Variants in PIK3C2G observed in about 807,000 individuals in gnomAD.
PIK3C2G encodes phosphatidylinositol 3-kinase C2 domain-containing subunit gamma.
A neutral mutation model predicts 181.1 loss-of-function variants in PIK3C2G; 168 were observed. That is an observed-to-expected ratio of 0.93 (90% CI 0.82 to 1.05). The LOEUF is 1.05. Ranked by LOEUF, PIK3C2G falls within the 50% of genes least tolerant of loss-of-function variation. The pLI, the probability that PIK3C2G is intolerant of heterozygous loss-of-function variation, is 0.00. For synonymous variants in PIK3C2G, 573 were observed against 592.2 expected (o/e 0.97, Z 0.47); for missense variants, 1,869 against 1,732.8 (o/e 1.08, Z -1.40).
At chr12:18,342,568 T>C (rs1289648779) in intron 9 of PIK3C2G, among the ~76,000 whole-genome samples, 1 of 151,982 alleles carries the variant, frequency 6.6e-6, no homozygotes, top group South Asian at 2.1e-4. Context: ...ATGGATCTTA[T>C]TAAAAATTGT....
rs1454612653 is a variant in PIK3C2G, at chr12:18,282,457, TG to T, written c.380del (p.Gly127GlufsTer4). The T allele has an allele frequency of 6.3e-7, 1 of 1,592,642 alleles. No individual in the cohort carries two copies. Among genetic ancestry groups the T allele is most frequent in the Non-Finnish European group, 8.6e-7 (1 of 1,167,790 alleles). ...TCAAAATACGAATAAAGAATGCTCC[TG>T]GGGAAGCCCCATAGGAAAACATCAT... ...KPQNTNKECS[W>X]GSPIGKHHGA... On this transcript the variant is annotated frameshift_variant, in exon 2 of 33. Coordinates refer to ENST00000538779, the MANE Select transcript of PIK3C2G (RefSeq NM_001288772.2). LOFTEE classifies it high-confidence loss of function.
At chr12:18,453,044 C>T (rs1296749946) in intron 18 of PIK3C2G, among the ~76,000 whole-genome samples, 2 of 152,040 alleles carry the variant, frequency 1.3e-5, no homozygotes, top group African/African-American at 4.8e-5. Flanking sequence ...ACATTCTGTT[C>T]ATTTGAGTTG....
At chr12:18,559,817 TATATAGAGAGAGAG>T (rs1324793461) in intron 26 of PIK3C2G, among the ~76,000 whole-genome samples, 25 of 22,154 alleles carry the variant, frequency 1.1e-3, no homozygotes, top group Admixed American at 1.7e-3. Context: ...TATATATATA[TATATAGAGAGAGAG>T]AGAGAGAGAG....
Position 18,404,063 on chromosome 12 carries a change from G to A in PIK3C2G, c.2315+4216G>A, listed in dbSNP as rs116308920. ...CCATCCCACATGATGTAAAATTATT[G>A]TTTTGCAAGAAGAAAAGCAATATTT... On this transcript the variant is annotated intron_variant, in intron 16 of 32. Transcript: ENST00000538779. Among the ~76,000 whole-genome samples the A allele has an allele frequency of 7.1e-3, 1,067 of 150,254 alleles. 6 individuals carry two copies. Among genetic ancestry groups the A allele is most frequent in the African/African-American group, 0.019 (781 of 40,972 alleles).
chr12:18,394,347 A>G (rs1026891159), intron 15 of PIK3C2G, among the ~76,000 whole-genome samples: 1 of 152,124 alleles, frequency 6.6e-6, no homozygotes, highest in African/African-American at 2.4e-5. Flanking sequence ...GCTGACTCTC[A>G]ATAATGTACT....
chr12:18,401,657 C>A (rs1944257103), intron 16 of PIK3C2G, among the ~76,000 whole-genome samples: 1 of 152,024 alleles, frequency 6.6e-6, no homozygotes, highest in Non-Finnish European at 1.5e-5. Flanking sequence ...ACTCTTAAAA[C>A]TCAACAATAG....
At chr12:18,592,590 T>C (rs1947141884) in intron 29 of PIK3C2G, among the ~76,000 whole-genome samples, 2 of 151,906 alleles carry the variant, frequency 1.3e-5, no homozygotes, top group Admixed American at 1.3e-4. Flanking sequence ...GTGGAATCAG[T>C]GTGAGTGCAG....
intron 25 of PIK3C2G, among the ~76,000 whole-genome samples, chr12:18,543,711 C>T (rs1399444293): frequency 6.6e-6 from 1 of 151,816 alleles, no homozygotes; most frequent in Non-Finnish European, 1.5e-5. Flanking sequence ...ATTGTGCGGC[C>T]TTATTTCTGG....
chr12:18,568,804 T>C (rs1012884269), intron 29 of PIK3C2G, among the ~76,000 whole-genome samples: 1 of 152,156 alleles, frequency 6.6e-6, no homozygotes, highest in Non-Finnish European at 1.5e-5. Flanking sequence ...CTAAAAACAT[T>C]GTGAAGTACA....
At position 18,648,000 on chromosome 12, in the gene PIK3C2G, G is replaced by C. The variant is rs540870280; in HGVS notation, c.4433G>C (p.Trp1478Ser). Reference sequence around the variant, plus strand: ...AGTGTCCCACTCGATAAAGAAAAATGGTATCCATTAGGAAACAGTATAATT... The same window carrying C: ...AGTGTCCCACTCGATAAAGAAAAATCGTATCCATTAGGAAACAGTATAATT... Reference protein sequence around the residue: ...LCSVPLDKEKWYPLGNSII With the variant: ...LCSVPLDKEKSYPLGNSII Residue 1478 changes from tryptophan to serine, a missense_variant, in exon 33 of 33, where the codon TGG becomes TCG. Trp to Ser is a radical substitution (Grantham distance 177). Transcript: ENST00000538779. 1 of 1,597,602 alleles carries C rather than the reference G, an allele frequency of 6.3e-7. No individual in the cohort carries two copies. The highest frequency in any genetic ancestry group is 1.7e-5 in the Admixed American group (1 of 58,134).
At chr12:18,636,053 A>G (rs1473267046) in intron 31 of PIK3C2G, among the ~76,000 whole-genome samples, 2 of 152,196 alleles carry the variant, frequency 1.3e-5, no homozygotes, top group African/African-American at 2.4e-5. Flanking sequence ...AGTCTCACAA[A>G]TAAGTCTATA....
In PIK3C2G at chr12:18,338,463, T is replaced by C. The variant is rs1242525432; in HGVS notation, c.1310T>C (p.Ile437Thr). The C allele has an allele frequency of 6.3e-7, 1 of 1,576,110 alleles. No individual in the cohort carries two copies. Among genetic ancestry groups the C allele is most frequent in the Non-Finnish European group, 8.7e-7 (1 of 1,147,626 alleles). Reference sequence around the variant, plus strand: ...AATATTATTGAAGAAGTTAAAAAAATATGCAGTGTTCTAGGGTGTGTGGAA... The same window carrying C: ...AATATTATTGAAGAAGTTAAAAAAACATGCAGTGTTCTAGGGTGTGTGGAA... The part of the protein sequence containing the change: ...VYNIIEEVKK[I>T]CSVLGCVETK... The change falls in exon 9 of 33, where the codon ATA becomes ACA. Residue 437 changes from isoleucine to threonine, a missense_variant. Coordinates refer to ENST00000538779, the MANE Select transcript of PIK3C2G (RefSeq NM_001288772.2).
intron 4 of PIK3C2G, among the ~76,000 whole-genome samples, chr12:18,292,733 G>A (rs1949766708): frequency 6.6e-6 from 1 of 152,188 alleles, no homozygotes; most frequent in Non-Finnish European, 1.5e-5. Flanking sequence ...TGGAGAGAGA[G>A]AGTAGATATT....
chr12:18,295,584 C>T (rs1320507764), intron 5 of PIK3C2G, among the ~76,000 whole-genome samples: 2 of 149,012 alleles, frequency 1.3e-5, no homozygotes, highest in Non-Finnish European at 2.9e-5. Flanking sequence ...AAGTAGATGG[C>T]TCAATATTTA....
chr12:18,517,031 C>CTTT (rs3983627), intron 24 of PIK3C2G, among the ~76,000 whole-genome samples: 2,942 of 139,742 alleles, frequency 0.021, 41 homozygotes, highest in Non-Finnish European at 0.034. Context: ...TTTGCTTTTC[C>CTTT]TTTTTTTTTT....
At chr12:18,303,367 C>T (rs1423907912) in intron 5 of PIK3C2G, among the ~76,000 whole-genome samples, 2 of 151,020 alleles carry the variant, frequency 1.3e-5, no homozygotes, top group African/African-American at 4.9e-5. Context: ...CACAGTCTCA[C>T]TCTGTCACCC....
At chr12:18,299,044 T>C (rs1459382437) in intron 5 of PIK3C2G, among the ~76,000 whole-genome samples, 1 of 151,962 alleles carries the variant, frequency 6.6e-6, no homozygotes, top group Non-Finnish European at 1.5e-5. Context: ...TCTTTTTTAC[T>C]TCCATACAAA....
chr12:18,597,170 G>A (rs1947410623), intron 30 of PIK3C2G, among the ~76,000 whole-genome samples: 1 of 150,794 alleles, frequency 6.6e-6, no homozygotes, highest in African/African-American at 2.4e-5. Flanking sequence ...TCTGTGTTAG[G>A]GAAACACCAA....
intron 11 of PIK3C2G, among the ~76,000 whole-genome samples, chr12:18,347,358 T>A (rs546811985): frequency 6.6e-6 from 1 of 152,312 alleles, no homozygotes; most frequent in Admixed American, 6.5e-5. Context: ...TGGAATATCA[T>A]CAGATTTTAA....
Sources: gnomAD v4.1 joint callset for allele counts (sites outside exome capture counted in the v4.1 genomes callset) on GRCh38, gnomAD v4.1.1 for gene constraint, MANE v1.5 for transcripts, NCBI Gene and HGNC (gene_info 2026-07-23, HGNC 2026-07-21) for gene names.